ZNF280D: variants seen among roughly 807,000 people sequenced by gnomAD.
ZNF280D encodes the protein zinc finger protein 280D.
In ZNF280D, 39 loss-of-function variants were observed where a neutral mutation model predicts 94.7. The ratio of observed to expected loss-of-function variants is 0.41; its 90% CI spans 0.32 to 0.54. The LOEUF (loss-of-function observed/expected upper bound fraction) is 0.54. Ranked by LOEUF, ZNF280D falls within the 20% of genes least tolerant of loss-of-function variation. ZNF280D has a pLI of 0.22. For synonymous variants in ZNF280D, 398 were observed against 377.6 expected (o/e 1.05, Z -0.63); for missense variants, 1,090 against 1,149.3 (o/e 0.95, Z 0.75).
chr15:56,661,341 T>G (rs1200756314), intron 16 of ZNF280D, among the ~76,000 whole-genome samples: 1 of 152,150 alleles, frequency 6.6e-6, no homozygotes, highest in Admixed American at 6.6e-5. Context: ...CTATCAATGT[T>G]AGGAAAGGAT....
intron 16 of ZNF280D, among the ~76,000 whole-genome samples, chr15:56,662,285 A>G (rs1738752009): frequency 6.6e-6 from 1 of 152,152 alleles, no homozygotes; most frequent in Non-Finnish European, 1.5e-5. Flanking sequence ...AACCTAAAAA[A>G]TGCTGCTTAA....
At chr15:56,633,923 A>G (rs1356191919) in intron 21 of ZNF280D, 2 of 152,192 alleles carry the variant, frequency 1.3e-5, no homozygotes, top group Non-Finnish European at 2.9e-5. Flanking sequence ...TTCATAATTT[A>G]ATTTGTAAAA....
rs1189987121 is a variant in ZNF280D at position 56,642,946 on chromosome 15, C to T, written c.2259+6G>A. The T allele has an allele frequency of 1.3e-6, 2 of 1,493,840 alleles. No individual in the cohort carries two copies. Among genetic ancestry groups the T allele is most frequent in the Non-Finnish European group, 1.8e-6 (2 of 1,125,924 alleles). The allele number at this position is 1,493,840 out of a possible 1,614,324, so 92.5% of individuals were successfully genotyped here. On this transcript the variant is annotated splice_donor_region_variant and intron_variant, in intron 20 of 21. Coordinates refer to ENST00000267807, the MANE Select transcript of ZNF280D (RefSeq NM_017661.4). ...CCTTTAAGGTATAAAGTAAAACAAA[C>T]TTTACCTTAGACACAGGTTCTTGTT...
intron 21 of ZNF280D, among the ~76,000 whole-genome samples, chr15:56,634,514 G>A (rs2052256308): frequency 6.6e-6 from 1 of 152,094 alleles, no homozygotes; most frequent in East Asian, 1.9e-4. Context: ...CACCTTCATA[G>A]GAACTTAATC....
intron 20 of ZNF280D, among the ~76,000 whole-genome samples, chr15:56,639,465 T>C (rs2052519617): frequency 6.6e-6 from 1 of 152,022 alleles, no homozygotes. Flanking sequence ...GTCAGATGCC[T>C]AATACAATGA....
intron 9 of ZNF280D, among the ~76,000 whole-genome samples, chr15:56,687,325 T>C (rs1318891447): frequency 6.6e-6 from 1 of 152,172 alleles, no homozygotes. Context: ...TTGTTTCTAC[T>C]GTAAGTAATT....
At chr15:56,700,563 A>G (rs1012302796) in intron 6 of ZNF280D, 13 of 1,093,512 alleles carry the variant, frequency 1.2e-5, no homozygotes, top group Non-Finnish European at 3.3e-6. Flanking sequence ...TCAGAATAAA[A>G]AGCTATGATG....
At chr15:56,653,588 C>CT in intron 19 of ZNF280D, 2 of 1,492,676 alleles carry the variant, frequency 1.3e-6, no homozygotes, top group Non-Finnish European at 8.9e-7. Flanking sequence ...AATCTCTGGG[C>CT]TGCTTCTGCA....
At chr15:56,701,757 A>G (rs1216454185) in intron 4 of ZNF280D, among the ~76,000 whole-genome samples, 1 of 152,084 alleles carries the variant, frequency 6.6e-6, no homozygotes, top group Non-Finnish European at 1.5e-5. Context: ...ATTATCTACT[A>G]TTAGTTTTGA....
At chr15:56,639,435 T>C (rs2052518161) in intron 20 of ZNF280D, among the ~76,000 whole-genome samples, 1 of 151,736 alleles carries the variant, frequency 6.6e-6, no homozygotes, top group Non-Finnish European at 1.5e-5. Context: ...CAAACAGAAA[T>C]CTCCAAACTC....
intron 1 of ZNF280D, among the ~76,000 whole-genome samples, chr15:56,709,722 G>A (rs912985848): frequency 3.3e-5 from 5 of 152,130 alleles, no homozygotes; most frequent in African/African-American, 1.2e-4. Flanking sequence ...CATGGATGAA[G>A]CTGGAATCCA....
intron 1 of ZNF280D, among the ~76,000 whole-genome samples, chr15:56,727,145 G>A (rs565621418): frequency 1.3e-5 from 2 of 152,276 alleles, no homozygotes; most frequent in South Asian, 4.1e-4. Flanking sequence ...TCAATCTCAA[G>A]GGAAAAGAGT....
At chr15:56,654,171 A>C in intron 19 of ZNF280D, 27 bp downstream of exon 19, 1 of 1,600,216 alleles carries the variant, frequency 6.2e-7, no homozygotes, top group Admixed American at 1.8e-5. Flanking sequence ...ATCAAAGTAA[A>C]ATGCACTGAA....
intron 17 of ZNF280D, among the ~76,000 whole-genome samples, chr15:56,655,557 G>A (rs1358493675): frequency 1.3e-5 from 2 of 152,188 alleles, no homozygotes; most frequent in African/African-American, 4.8e-5. Flanking sequence ...TGTTTAAAGA[G>A]GTTAGGAAAC....
intron 19 of ZNF280D, chr15:56,652,874 C>A: frequency 4.1e-6 from 4 of 984,108 alleles, no homozygotes; most frequent in Non-Finnish European, 4.8e-6. Context: ...GGCAGCTACA[C>A]AAAATCTGTA....
intron 19 of ZNF280D, chr15:56,652,862 T>C (rs938664986): frequency 1.0e-6 from 1 of 984,176 alleles, no homozygotes; most frequent in African/African-American, 1.7e-5. Context: ...AATCTACAAA[T>C]AGGCAGCTAC....
At chr15:56,660,973 G>C (rs149722352) in intron 16 of ZNF280D, among the ~76,000 whole-genome samples, 6 of 151,618 alleles carry the variant, frequency 4.0e-5, no homozygotes, top group East Asian at 3.9e-4. Flanking sequence ...TGGTTGCTTG[G>C]GGGGAGTGTT....
intron 17 of ZNF280D, among the ~76,000 whole-genome samples, chr15:56,655,369 G>A (rs932073569): frequency 1.5e-4 from 23 of 152,042 alleles, no homozygotes; most frequent in African/African-American, 5.1e-4. Context: ...TACCACACCT[G>A]GCTAATTTTT....
At chr15:56,730,756 T>A (rs1007275423) in intron 1 of ZNF280D, 1 of 152,392 alleles carries the variant, frequency 6.6e-6, no homozygotes, top group African/African-American at 2.4e-5. Context: ...TCCTCCAGAA[T>A]TGTCTCCACT....
Sources: allele counts gnomAD v4.1 joint callset (sites outside exome capture counted in the v4.1 genomes callset), GRCh38; gene constraint gnomAD v4.1.1; transcripts MANE v1.5; gene names NCBI Gene and HGNC (gene_info 2026-07-23, HGNC 2026-07-21).